The following RUNDC3B variants were observed in gnomAD, a reference collection of about 807,000 sequenced individuals.
The protein encoded by RUNDC3B is RUN domain containing 3B.
RUNDC3B carries 33 observed loss-of-function variants against 58.4 expected under a neutral mutation model. That is an observed-to-expected ratio of 0.56 (90% confidence interval 0.43 to 0.75). RUNDC3B has a LOEUF of 0.75. Ranked by LOEUF, RUNDC3B falls within the 30% of genes least tolerant of loss-of-function variation. The pLI, the probability that RUNDC3B is intolerant of heterozygous loss-of-function variation, is 0.00. For missense variants in RUNDC3B, 501 were observed against 535.7 expected, an observed-to-expected ratio of 0.94 and a Z score of 0.64; for synonymous variants, 193 against 195.2, an observed-to-expected ratio of 0.99 and a Z score of 0.10.
intron 6 of RUNDC3B, among the ~76,000 whole-genome samples, chr7:87,748,034 C>G (rs1432917687): frequency 6.6e-6 from 1 of 152,200 alleles, no homozygotes; most frequent in Non-Finnish European, 1.5e-5. Context: ...CAGAGTTCAG[C>G]TAGAGATTTC....
At chr7:87,635,831 G>T (rs576764204) in intron 1 of RUNDC3B, among the ~76,000 whole-genome samples, 1 of 152,234 alleles carries the variant, frequency 6.6e-6, no homozygotes, top group African/African-American at 2.4e-5. Flanking sequence ...TATTTTAAAT[G>T]AATGGAATAA....
intron 4 of RUNDC3B, among the ~76,000 whole-genome samples, chr7:87,737,462 A>C (rs1246036497): frequency 6.6e-6 from 1 of 152,144 alleles, no homozygotes; most frequent in East Asian, 1.9e-4. Flanking sequence ...ATTAGTTTGC[A>C]TAAGAGAAGA....
At chr7:87,649,028 A>G (rs1159069135) in intron 1 of RUNDC3B, among the ~76,000 whole-genome samples, 2 of 151,736 alleles carry the variant, frequency 1.3e-5, no homozygotes, top group African/African-American at 4.8e-5. Flanking sequence ...AAAAGCTTGT[A>G]CTCTTTTATC....
At chr7:87,658,942 A>T (rs1200609244) in intron 2 of RUNDC3B, among the ~76,000 whole-genome samples, 1 of 152,234 alleles carries the variant, frequency 6.6e-6, no homozygotes, top group African/African-American at 2.4e-5. Flanking sequence ...ACTTGAGCTC[A>T]GTAGTTCAAG....
In RUNDC3B at chr7:87,631,712, C is replaced by G. The variant is rs544117649; in HGVS notation, c.122+2767C>G. Among the ~76,000 whole-genome samples, 3 of 152,212 alleles carry G rather than the reference C, an allele frequency of 2.0e-5. No homozygotes were observed. The East Asian group carries it at 5.8e-4, about 29-fold the overall frequency. ...GCCCGGCCTCTTTATTTTTATATCT[C>G]AAATCAGAGATGATTTGATATTTAA... On this transcript the variant is annotated intron_variant, in intron 1 of 10. Transcript: ENST00000394654.
At chr7:87,637,377 T>C (rs548849641) in intron 1 of RUNDC3B, among the ~76,000 whole-genome samples, 150 of 152,330 alleles carry the variant, frequency 9.8e-4, no homozygotes, top group African/African-American at 3.5e-3. Flanking sequence ...AGCTTTATTT[T>C]TCAAGATTAT....
intron 2 of RUNDC3B, among the ~76,000 whole-genome samples, chr7:87,699,226 GA>G (rs1336302532): frequency 6.6e-6 from 1 of 151,868 alleles, no homozygotes; most frequent in East Asian, 1.9e-4. Flanking sequence ...AAATCATGAT[GA>G]AAAAAGCACT....
intron 8 of RUNDC3B, among the ~76,000 whole-genome samples, chr7:87,784,512 G>T (rs1262431555): frequency 6.6e-6 from 1 of 151,896 alleles, no homozygotes; most frequent in African/African-American, 2.4e-5. Flanking sequence ...CCTTAGTTTG[G>T]GCTAGTTTCC....
chr7:87,824,907 A>C (rs1414542396), intron 10 of RUNDC3B, among the ~76,000 whole-genome samples: 1 of 152,192 alleles, frequency 6.6e-6, no homozygotes, highest in Non-Finnish European at 1.5e-5. Flanking sequence ...AGAAATTTCT[A>C]AGCAACAAAG....
chr7:87,807,356 C>T lies in RUNDC3B; in HGVS notation c.957-17C>T, dbSNP rs768802814. The T allele has an allele frequency of 1.2e-5, 20 of 1,612,254 alleles. No individual in the cohort carries two copies. In the African/African-American group the frequency reaches 2.4e-4, roughly 19 times the overall value. On this transcript the variant is annotated splice_polypyrimidine_tract_variant and intron_variant, in intron 8 of 10. Coordinates refer to ENST00000394654, the MANE Select transcript of RUNDC3B (RefSeq NM_001134405.2). ...GAACAGTGAAGACAAAAGCACTCAC[C>T]ATCTTAATATTCACAGGACTGTGCT... is the stretch of plus-strand genomic sequence containing the variant.
chr7:87,643,609 C>T (rs574922851), intron 1 of RUNDC3B, among the ~76,000 whole-genome samples: 4 of 152,084 alleles, frequency 2.6e-5, no homozygotes, highest in African/African-American at 9.6e-5. Flanking sequence ...CAACTTCTGC[C>T]TCCCAGGTTC....
chr7:87,677,260 A>T (rs1384743297), intron 2 of RUNDC3B, among the ~76,000 whole-genome samples: 1 of 149,862 alleles, frequency 6.7e-6, no homozygotes, highest in Non-Finnish European at 1.5e-5. Context: ...GGATTAATAA[A>T]CTACAGTGTA....
chr7:87,746,447 C>T (rs914490061), intron 6 of RUNDC3B, among the ~76,000 whole-genome samples: 5 of 152,172 alleles, frequency 3.3e-5, no homozygotes, highest in Admixed American at 3.3e-4. Flanking sequence ...TGCTGTCTAT[C>T]TCATTTCTTA....
At chr7:87,654,252 A>G (rs1823860379) in intron 2 of RUNDC3B, among the ~76,000 whole-genome samples, 1 of 152,108 alleles carries the variant, frequency 6.6e-6, no homozygotes, top group Admixed American at 6.6e-5. Context: ...ATTAATATGG[A>G]ACCACAAAAG....
intron 4 of RUNDC3B, among the ~76,000 whole-genome samples, chr7:87,729,589 C>G (rs1356318245): frequency 6.6e-6 from 1 of 152,060 alleles, no homozygotes; most frequent in Non-Finnish European, 1.5e-5. Context: ...TCAGGCAAGA[C>G]CTACCAGTAT....
chr7:87,743,680 G>A (rs1168060381), intron 6 of RUNDC3B, among the ~76,000 whole-genome samples: 2 of 151,914 alleles, frequency 1.3e-5, no homozygotes, highest in African/African-American at 4.8e-5. Context: ...TTTTCATACT[G>A]ATTTGTTTGA....
At chr7:87,695,724 A>G (rs1046338461) in intron 2 of RUNDC3B, among the ~76,000 whole-genome samples, 11 of 152,144 alleles carry the variant, frequency 7.2e-5, no homozygotes. Flanking sequence ...TTCTTGTATT[A>G]TGAAAAGATC....
chr7:87,825,952 G>T (rs1452138685), intron 10 of RUNDC3B, among the ~76,000 whole-genome samples: 1 of 152,166 alleles, frequency 6.6e-6, no homozygotes, highest in Non-Finnish European at 1.5e-5. Flanking sequence ...TAACTAACTT[G>T]CTTTTGATTT....
chr7:87,829,946 C>T lies in RUNDC3B; in HGVS notation c.1287C>T (p.Tyr429=). ...GATCTCTAACGTCAGTGGCAAGTTA[C>T]AAGTCTCTAACAAGCTTAAAATCTA... ...LCGSLTSVAS[Y]KSLTSLKSND... Residue 429 remains tyrosine (Y), a synonymous_variant, in exon 11 of 11, where the codon TAC becomes TAT. Coordinates refer to ENST00000394654, the MANE Select transcript of RUNDC3B (RefSeq NM_001134405.2). 6.2e-7 allele frequency: 1 copy of T among 1,608,722 alleles called. No homozygotes were observed. Among genetic ancestry groups the T allele is most frequent in the Non-Finnish European group, 8.5e-7 (1 of 1,176,494 alleles).
Sources: gnomAD v4.1 joint callset for allele counts (sites outside exome capture counted in the v4.1 genomes callset) on GRCh38, gnomAD v4.1.1 for gene constraint, MANE v1.5 for transcripts, NCBI Gene and HGNC (gene_info 2026-07-23, HGNC 2026-07-21) for gene names.